PDE4D: variants seen among roughly 807,000 people sequenced by gnomAD.
The protein encoded by PDE4D is 3',5'-cyclic-AMP phosphodiesterase 4D.
In PDE4D, 24 loss-of-function variants were observed where a neutral mutation model predicts 87.4. The observed-to-expected ratio is 0.27, with a 90% CI of 0.20 to 0.39. The LOEUF (loss-of-function observed/expected upper bound fraction) is 0.39, where lower values mean the gene tolerates loss of function less well. PDE4D is among the 10% of genes least tolerant of loss of function. The pLI, the probability that PDE4D is intolerant of heterozygous loss-of-function variation, is 1.00. For missense variants in PDE4D, 714 were observed against 1,041.0 expected (o/e 0.69, Z 4.32); for synonymous variants, 384 against 383.2 (o/e 1.00, Z -0.02).
chr5:59,542,804 A>C (rs895119579), intron 1 of PDE4D, among the ~76,000 whole-genome samples: 12 of 152,174 alleles, frequency 7.9e-5, no homozygotes, highest in African/African-American at 2.9e-4. Context: ...GAAATTTAGT[A>C]TACAGTATGT....
intron 1 of PDE4D, among the ~76,000 whole-genome samples, chr5:59,374,198 G>A (rs957178473): frequency 6.6e-6 from 1 of 152,108 alleles, no homozygotes; most frequent in Non-Finnish European, 1.5e-5. Context: ...AAATGTAAAT[G>A]GACTAAATGC....
At chr5:60,260,510 T>C (rs1056133000) in intron 1 of PDE4D, among the ~76,000 whole-genome samples, 3 of 152,062 alleles carry the variant, frequency 2.0e-5, no homozygotes, top group African/African-American at 7.2e-5. Flanking sequence ...AAAGTGAATA[T>C]AAGTCAACAA....
Position 60,360,861 on chromosome 5 carries a change from C to G in PDE4D, c.-90+127081G>C, listed in dbSNP as rs75560955. ...AGAGAATGAATGGTGAGCTTCACAA[C>G]GCAGTCTTCACTCCACGACTAATCA... On this transcript the variant is annotated intron_variant, in intron 1 of 16. Transcript: ENST00000502484. 4.6e-5 allele frequency among the ~76,000 whole-genome samples: 7 copies of G among 152,288 alleles called. No homozygotes were observed. The East Asian group carries it at 7.7e-4, about 17-fold the overall frequency.
chr5:59,367,977 C>A (rs1783350864), intron 1 of PDE4D, among the ~76,000 whole-genome samples: 1 of 152,222 alleles, frequency 6.6e-6, no homozygotes, highest in African/African-American at 2.4e-5. Flanking sequence ...TTGCACAGCG[C>A]CCTCTTGTGA....
At chr5:59,405,275 T>C (rs1405461811) in intron 1 of PDE4D, among the ~76,000 whole-genome samples, 1 of 152,248 alleles carries the variant, frequency 6.6e-6, no homozygotes, top group Non-Finnish European at 1.5e-5. Context: ...TTTATAGTTT[T>C]CATTGTAGAA....
chr5:58,999,093 T>C (rs1248920976), intron 6 of PDE4D, among the ~76,000 whole-genome samples: 3 of 152,186 alleles, frequency 2.0e-5, no homozygotes, highest in Non-Finnish European at 4.4e-5. Flanking sequence ...GTTAAAGTAG[T>C]ATAGATTTTT....
At chr5:60,267,014 C>G (rs184016108) in intron 1 of PDE4D, among the ~76,000 whole-genome samples, 1 of 152,212 alleles carries the variant, frequency 6.6e-6, no homozygotes, top group African/African-American at 2.4e-5. Context: ...TGCTTTTCCT[C>G]TCATCAGGCA....
intron 1 of PDE4D, among the ~76,000 whole-genome samples, chr5:60,426,280 C>G (rs559270855): frequency 6.6e-6 from 1 of 152,280 alleles, no homozygotes; most frequent in African/African-American, 2.4e-5. Context: ...GGAACCAACC[C>G]AAATGTCCAT....
intron 3 of PDE4D, among the ~76,000 whole-genome samples, chr5:59,927,574 C>G (rs1275006194): frequency 6.6e-6 from 1 of 152,166 alleles, no homozygotes; most frequent in Non-Finnish European, 1.5e-5. Flanking sequence ...AATCTTGGAA[C>G]TTGGTATTTT....
intron 5 of PDE4D, among the ~76,000 whole-genome samples, chr5:59,120,986 T>TG (rs1165509696): frequency 3.3e-5 from 5 of 152,096 alleles, no homozygotes; most frequent in Non-Finnish European, 7.4e-5. Flanking sequence ...CTTCAATAAA[T>TG]GATGCTGGAA....
At chr5:60,502,813 A>C (rs1750146840) in intron 1 of PDE4D, among the ~76,000 whole-genome samples, 1 of 152,198 alleles carries the variant, frequency 6.6e-6, no homozygotes. Flanking sequence ...AGCACATGAC[A>C]GGCAGAACTT....
chr5:60,173,842 T>C (rs1783690653), intron 2 of PDE4D, among the ~76,000 whole-genome samples: 2 of 152,036 alleles, frequency 1.3e-5, no homozygotes, highest in Admixed American at 6.6e-5. Context: ...GAAAGGGAAG[T>C]CAAGCTGAGA....
chr5:59,254,858 G>A (rs1248552542), intron 1 of PDE4D, among the ~76,000 whole-genome samples: 7 of 152,236 alleles, frequency 4.6e-5, no homozygotes, highest in Non-Finnish European at 7.4e-5. Flanking sequence ...TGTATGTACA[G>A]TCTTAGCATA....
intron 1 of PDE4D, among the ~76,000 whole-genome samples, chr5:60,281,446 C>G (rs1012534459): frequency 6.6e-6 from 1 of 152,186 alleles, no homozygotes. Flanking sequence ...TGTACTGATT[C>G]TATATCCACA....
intron 1 of PDE4D, among the ~76,000 whole-genome samples, chr5:59,358,800 C>CT (rs146743022): frequency 7.0e-4 from 106 of 152,100 alleles, no homozygotes; most frequent in African/African-American, 2.4e-3. Context: ...CAAAGATGGA[C>CT]TTTTTTCACC....
At chr5:59,035,571 T>C (rs1758362384) in intron 6 of PDE4D, among the ~76,000 whole-genome samples, 1 of 152,202 alleles carries the variant, frequency 6.6e-6, no homozygotes, top group Non-Finnish European at 1.5e-5. Flanking sequence ...GTGCCTACTA[T>C]TGTCAGATAC....
intron 4 of PDE4D, among the ~76,000 whole-genome samples, chr5:59,184,949 C>T (rs1240835890): frequency 6.6e-6 from 1 of 152,090 alleles, no homozygotes; most frequent in Non-Finnish European, 1.5e-5. Flanking sequence ...ACTGATCATG[C>T]CAGGTGATTT....
intron 1 of PDE4D, among the ~76,000 whole-genome samples, chr5:60,466,484 A>G (rs1002339867): frequency 6.6e-6 from 1 of 152,244 alleles, no homozygotes; most frequent in Admixed American, 6.5e-5. Flanking sequence ...GAATGGCTCT[A>G]TTAATCTCTC....
chr5:60,499,526 C>T (rs185408624), intron 1 of PDE4D, among the ~76,000 whole-genome samples: 24 of 151,954 alleles, frequency 1.6e-4, no homozygotes, highest in African/African-American at 3.9e-4. Context: ...GGGTTGGGGG[C>T]GGTTAAAAAG....
Sources: gnomAD v4.1 joint callset for allele counts (sites outside exome capture counted in the v4.1 genomes callset) on GRCh38, gnomAD v4.1.1 for gene constraint, MANE v1.5 for transcripts, NCBI Gene and HGNC (gene_info 2026-07-23, HGNC 2026-07-21) for gene names.